OTUD7A: variants seen among roughly 807,000 people sequenced by gnomAD.
OTUD7A encodes OTU domain-containing protein 7A.
In OTUD7A, 12 loss-of-function variants were observed where a neutral mutation model predicts 65.7. That is an observed-to-expected ratio of 0.18 (90% CI 0.12 to 0.30). The LOEUF (loss-of-function observed/expected upper bound fraction) is 0.30. Ranked by LOEUF, OTUD7A falls within the 10% of genes least tolerant of loss-of-function variation. OTUD7A has a pLI of 1.00. For synonymous variants in OTUD7A, 641 were observed against 586.3 expected, an observed-to-expected ratio of 1.09 and a Z score of -1.35; for missense variants, 1,148 against 1,304.8, an observed-to-expected ratio of 0.88 and a Z score of 1.85.
chr15:31,538,665 C>T (rs1470450574), intron 5 of OTUD7A, among the ~76,000 whole-genome samples: 1 of 152,174 alleles, frequency 6.6e-6, no homozygotes, highest in Non-Finnish European at 1.5e-5. Context: ...ATTTCAAAAG[C>T]CGTATTACTG....
chr15:31,645,743 C>G (rs374839412), intron 3 of OTUD7A, among the ~76,000 whole-genome samples: 1 of 152,204 alleles, frequency 6.6e-6, no homozygotes, highest in South Asian at 2.1e-4. Flanking sequence ...TTTGACAGAT[C>G]TCTTAAGCCT....
intron 1 of OTUD7A, among the ~76,000 whole-genome samples, chr15:31,768,786 T>C (rs941373206): frequency 1.3e-5 from 2 of 152,178 alleles, no homozygotes; most frequent in African/African-American, 2.4e-5. Flanking sequence ...ACATTCCATA[T>C]TGAATAGTTA....
chr15:31,643,164 T>C (rs1251753786), intron 3 of OTUD7A, among the ~76,000 whole-genome samples: 1 of 124,400 alleles, frequency 8.0e-6, no homozygotes, highest in African/African-American at 2.8e-5. Flanking sequence ...TTTTTTCTTT[T>C]TTAGAGATGA....
chr15:31,816,509 T>A (rs1896551989), intron 1 of OTUD7A, among the ~76,000 whole-genome samples: 2 of 145,682 alleles, frequency 1.4e-5, no homozygotes, highest in Admixed American at 1.4e-4. Flanking sequence ...GCTAACACGG[T>A]GAAACCCCGT....
intron 3 of OTUD7A, among the ~76,000 whole-genome samples, chr15:31,588,251 G>A (rs1889608396): frequency 1.3e-5 from 2 of 152,228 alleles, no homozygotes; most frequent in African/African-American, 4.8e-5. Flanking sequence ...ATATCTTGTT[G>A]TAGGAAAGGA....
intron 1 of OTUD7A, among the ~76,000 whole-genome samples, chr15:31,822,534 C>A (rs528302192): frequency 3.9e-5 from 6 of 152,282 alleles, no homozygotes; most frequent in African/African-American, 1.4e-4. Context: ...GACTGTGATT[C>A]CCCAGCCTGC....
At chr15:31,836,761 T>G (rs1897064221) in intron 1 of OTUD7A, among the ~76,000 whole-genome samples, 1 of 152,196 alleles carries the variant, frequency 6.6e-6, no homozygotes, top group Non-Finnish European at 1.5e-5. Flanking sequence ...TCATATCAAC[T>G]GTCTCAGAAA....
rs146229839 is a variant in OTUD7A, at chr15:31,649,762, C to T, written c.151+5334G>A. On this transcript the variant is annotated intron_variant, in intron 3 of 12. Transcript: ENST00000307050. ...CCACCCTCTGTCCCACTGGGTGCAG[C>T]CGGGACCCCTGGACAGCGTGCAGGC... The T allele has an allele frequency of 3.6e-4, 161 of 445,878 alleles. No homozygotes were observed. The East Asian group carries it at 4.0e-3, about 11-fold the overall frequency. The allele number at this position is 445,878 out of a possible 1,614,324, so 27.6% of individuals were successfully genotyped here. A position where few individuals can be genotyped will look rare whatever the true frequency, so the allele number is the denominator to read the frequency against.
chr15:31,866,381 C>G (rs775140325), intron 1 of OTUD7A, among the ~76,000 whole-genome samples: 1 of 152,236 alleles, frequency 6.6e-6, no homozygotes, highest in East Asian at 1.9e-4. Flanking sequence ...CAGCTAAACA[C>G]GCCTCCACAA....
intron 2 of OTUD7A, among the ~76,000 whole-genome samples, chr15:31,656,711 C>T (rs1892004315): frequency 1.3e-5 from 2 of 152,004 alleles, no homozygotes; most frequent in African/African-American, 4.8e-5. Flanking sequence ...GTCAGTGGCC[C>T]ATGCTTTAGA....
intron 1 of OTUD7A, among the ~76,000 whole-genome samples, chr15:31,668,925 G>A (rs1892403758): frequency 6.6e-6 from 1 of 152,182 alleles, no homozygotes; most frequent in South Asian, 2.1e-4. Context: ...TCTCTCTTCT[G>A]GGTCTAGCCA....
chr15:31,778,220 G>A (rs532278655), intron 1 of OTUD7A, among the ~76,000 whole-genome samples: 1 of 152,268 alleles, frequency 6.6e-6, no homozygotes, highest in Admixed American at 6.5e-5. Flanking sequence ...TGTCTACAAG[G>A]CTGTTCTGCA....
At chr15:31,506,328 T>C (rs1351752856) in intron 8 of OTUD7A, among the ~76,000 whole-genome samples, 3 of 152,190 alleles carry the variant, frequency 2.0e-5, no homozygotes, top group South Asian at 4.1e-4. Flanking sequence ...TTATGAATTG[T>C]TGCTGATTGT....
intron 5 of OTUD7A, among the ~76,000 whole-genome samples, chr15:31,551,323 T>A (rs1888316984): frequency 6.6e-6 from 1 of 152,196 alleles, no homozygotes; most frequent in African/African-American, 2.4e-5. Flanking sequence ...AGTTTCATGG[T>A]TTCATGTTTC....
At chr15:31,559,430 C>G (rs1888612862) in intron 4 of OTUD7A, among the ~76,000 whole-genome samples, 1 of 152,074 alleles carries the variant, frequency 6.6e-6, no homozygotes, top group Non-Finnish European at 1.5e-5. Flanking sequence ...TATACATGTG[C>G]ACACACACTT....
intron 1 of OTUD7A, among the ~76,000 whole-genome samples, chr15:31,742,968 A>G (rs1894382897): frequency 6.6e-6 from 1 of 152,142 alleles, no homozygotes; most frequent in African/African-American, 2.4e-5. Flanking sequence ...AAAATATGAC[A>G]AGACTAAAAG....
intron 5 of OTUD7A, among the ~76,000 whole-genome samples, chr15:31,543,389 A>G (rs1317507964): frequency 6.6e-6 from 1 of 151,910 alleles, no homozygotes; most frequent in East Asian, 1.9e-4. Flanking sequence ...AATAAACACC[A>G]CATTGAATGG....
intron 3 of OTUD7A, among the ~76,000 whole-genome samples, chr15:31,595,173 G>T (rs1394785177): frequency 6.6e-6 from 1 of 152,214 alleles, no homozygotes; most frequent in Non-Finnish European, 1.5e-5. Flanking sequence ...GTCTATCGAT[G>T]AGTTGGACAG....
At chr15:31,830,260 C>T (rs532886849) in intron 1 of OTUD7A, among the ~76,000 whole-genome samples, 3 of 152,226 alleles carry the variant, frequency 2.0e-5, no homozygotes, top group African/African-American at 4.8e-5. Context: ...CAAATCAATA[C>T]CAAATCAATG....
Sources: allele counts gnomAD v4.1 joint callset (sites outside exome capture counted in the v4.1 genomes callset), GRCh38; gene constraint gnomAD v4.1.1; transcripts MANE v1.5; gene names NCBI Gene and HGNC (gene_info 2026-07-23, HGNC 2026-07-21).